PIK3C2B: variants seen among roughly 807,000 people sequenced by gnomAD.
The protein encoded by PIK3C2B is phosphatidylinositol 4-phosphate 3-kinase C2 domain-containing subunit beta.
In PIK3C2B, 83 loss-of-function variants were observed where a neutral mutation model predicts 184.3. That is an observed-to-expected ratio of 0.45 (90% confidence interval 0.38 to 0.54). The LOEUF (loss-of-function observed/expected upper bound fraction) is 0.54. PIK3C2B is among the 20% of genes least tolerant of loss of function. The pLI is 0.00. For missense variants in PIK3C2B, 1,736 were observed against 2,113.5 expected, an observed-to-expected ratio of 0.82 and a Z score of 3.50; for synonymous variants, 779 against 837.6, an observed-to-expected ratio of 0.93 and a Z score of 1.21.
intron 1 of PIK3C2B, among the ~76,000 whole-genome samples, chr1:204,473,980 TC>T (rs1212862782): frequency 2.7e-5 from 3 of 110,710 alleles, no homozygotes; most frequent in Non-Finnish European, 5.8e-5. Context: ...CCTAAACACC[TC>T]CCCTTGACTT....
At chr1:204,432,460 C>T (rs1675116605) in intron 26 of PIK3C2B, 59 bp from the exon 27 acceptor site, 2 of 1,360,814 alleles carry the variant, frequency 1.5e-6, no homozygotes, top group Non-Finnish European at 2.1e-6. Context: ...GCTGCCTCGA[C>T]AGGGGTGTTC....
At chr1:204,448,996 G>C (rs1251656254) in intron 14 of PIK3C2B, among the ~76,000 whole-genome samples, 189 bp downstream of exon 14, 1 of 152,170 alleles carries the variant, frequency 6.6e-6, no homozygotes, top group Non-Finnish European at 1.5e-5. Context: ...ATGGGAGATG[G>C]ATACCCCAGA....
rs143663969 is a variant in PIK3C2B at position 204,433,786 on chromosome 1, T to G, written c.3843+7A>C. 1,508 of 1,599,360 alleles carry G rather than the reference T, an allele frequency of 9.4e-4. 1 individual carries two copies. Among genetic ancestry groups the G allele is most frequent in the Non-Finnish European group, 1.1e-3 (1,339 of 1,167,180 alleles). On this transcript the variant is annotated splice_region_variant and intron_variant, in intron 25 of 32. Coordinates refer to ENST00000684373, the MANE Select transcript of PIK3C2B (RefSeq NM_001377334.1). The surrounding 1 kb of genome is among the most constrained non-coding windows in gnomAD (Gnocchi z 5.0). Reference sequence around the variant, plus strand: ...GAAGGTATTCGGAAAGGGATGGAGCTCCTCACCAGGCCCAGAAGGTTGAGG... The same window carrying G: ...GAAGGTATTCGGAAAGGGATGGAGCGCCTCACCAGGCCCAGAAGGTTGAGG...
In PIK3C2B at chr1:204,449,970, A is replaced by G; in HGVS notation, c.2114T>C (p.Leu705Pro). 6.2e-7 allele frequency: 1 copy of G among 1,604,682 alleles called. No homozygotes were observed. Among genetic ancestry groups the G allele is most frequent in the Non-Finnish European group, 8.5e-7 (1 of 1,175,624 alleles). Reference protein sequence around the residue: ...QVNRLPRETLLCATLYALPIP... With the variant: ...QVNRLPRETLPCATLYALPIP... ...GGGCAGAGCATAGAGAGTGGCACACAGCAGTGTCTCCCGAGGCAGCCGGTT... is the reference window on the plus strand; with the variant it reads ...GGGCAGAGCATAGAGAGTGGCACACGGCAGTGTCTCCCGAGGCAGCCGGTT... The change falls in exon 13 of 33, where the codon CTG becomes CCG. Residue 705 changes from leucine to proline, a missense_variant. Around this residue, in one of 8 missense-constraint regions of PIK3C2B, gnomAD observed 609 missense variants for 699.2 expected, o/e 0.87. Transcript: ENST00000684373.
At chr1:204,427,496 T>C (rs1216641062) in intron 31 of PIK3C2B, 152 bp downstream of exon 31, 1 of 604,068 alleles carries the variant, frequency 1.7e-6, no homozygotes, top group Non-Finnish European at 3.0e-6. Context: ...TGCCTAGTCA[T>C]ACCATAGGCT....
chr1:204,457,027 G>C lies in PIK3C2B; in HGVS notation c.1747+10C>G. ...CCCGACTGGATGAAGATGGAGAGCA[G>C]TTCCCTTACCTCGGTTTTCCCTCAC... is the stretch of plus-strand genomic sequence containing the variant. On this transcript the variant is annotated intron_variant, in intron 10 of 32. Transcript: ENST00000684373. 1.3e-6 allele frequency: 2 copies of C among 1,565,330 alleles called. No individual in the cohort carries two copies. Among genetic ancestry groups the C allele is most frequent in the Non-Finnish European group, 1.7e-6 (2 of 1,153,360 alleles).
At chr1:204,427,217 C>A (rs1674793230) in intron 31 of PIK3C2B, among the ~76,000 whole-genome samples, 2 of 152,164 alleles carry the variant, frequency 1.3e-5, no homozygotes, top group Non-Finnish European at 2.9e-5. Flanking sequence ...TTATCTACTA[C>A]TGCCTTGATC....
At chr1:204,483,213 G>C (rs1657325866) in intron 1 of PIK3C2B, among the ~76,000 whole-genome samples, 1 of 152,124 alleles carries the variant, frequency 6.6e-6, no homozygotes, top group Admixed American at 6.5e-5. Context: ...CTTGAGCCCA[G>C]AAGTTTGAGG....
chr1:204,436,158 G>A (rs1008480875), intron 23 of PIK3C2B, among the ~76,000 whole-genome samples: 2 of 152,204 alleles, frequency 1.3e-5, no homozygotes, highest in African/African-American at 2.4e-5. Flanking sequence ...CATGTGTAGG[G>A]TGTGGGATAC....
chr1:204,476,774 T>C (rs548952550), intron 1 of PIK3C2B, among the ~76,000 whole-genome samples: 2 of 152,226 alleles, frequency 1.3e-5, no homozygotes, highest in African/African-American at 4.8e-5. Flanking sequence ...TTGTATTCTA[T>C]GTGAATGATA....
intron 1 of PIK3C2B, among the ~76,000 whole-genome samples, chr1:204,483,592 G>C (rs1012968336): frequency 6.6e-6 from 1 of 152,160 alleles, no homozygotes; most frequent in African/African-American, 2.4e-5. Flanking sequence ...GCATGGAATG[G>C]TTATGGGTCA....
At chr1:204,425,329 G>A (rs185126422) in intron 32 of PIK3C2B, among the ~76,000 whole-genome samples, 1 of 152,274 alleles carries the variant, frequency 6.6e-6, no homozygotes, top group East Asian at 1.9e-4. Flanking sequence ...CCACAGGATA[G>A]GGCCAGACCC....
intron 28 of PIK3C2B, among the ~76,000 whole-genome samples, chr1:204,430,636 C>T (rs1322393578): frequency 1.3e-5 from 2 of 151,686 alleles, no homozygotes; most frequent in Admixed American, 6.6e-5. Flanking sequence ...AGCCACCGCA[C>T]CCGGCCAAAA....
chr1:204,432,369 G>A lies in PIK3C2B; in HGVS notation c.3986C>T (p.Thr1329Ile), dbSNP rs181444275. 1.9e-6 allele frequency: 3 copies of A among 1,614,122 alleles called. No homozygotes were observed. The highest frequency in any genetic ancestry group is 1.7e-6 in the Non-Finnish European group (2 of 1,180,024). Residue 1329 changes from threonine to isoleucine, a missense_variant, in exon 27 of 33, where the codon ACA (threonine) becomes ATA (isoleucine). This residue lies in a region of PIK3C2B where 119 missense variants were observed against 179.3 expected (regional missense o/e 0.66). Transcript: ENST00000684373. ...ATTATGGATGAAAAAATTGAGCTTTGTGGCTACACTGCCCAGGCTGGACTC... is the reference window on the plus strand; with the variant it reads ...ATTATGGATGAAAAAATTGAGCTTTATGGCTACACTGCCCAGGCTGGACTC... ...LIESSLGSVA[T>I]KLNFFIHNLA...
chr1:204,467,831 CT>C (rs1421196137), intron 2 of PIK3C2B, among the ~76,000 whole-genome samples: 1 of 1,244 alleles, frequency 8.0e-4, no homozygotes, highest in Admixed American at 9.6e-3. Flanking sequence ...GAGACTCTGT[CT>C]CAAAAAAAAA....
At chr1:204,434,349 C>T in intron 24 of PIK3C2B, 90 bp downstream of exon 24, 3 of 1,176,430 alleles carry the variant, frequency 2.6e-6, no homozygotes, top group Non-Finnish European at 3.7e-6. Context: ...GGCCCAGCTG[C>T]TTCCATCATG....
intron 3 of PIK3C2B, 125 bp downstream of exon 3, chr1:204,465,094 T>C (rs1213205019): frequency 4.4e-6 from 3 of 680,302 alleles, no homozygotes; most frequent in Non-Finnish European, 8.0e-6. Flanking sequence ...AGCATTTTCA[T>C]AGCTATGAAC....
At chr1:204,441,891 G>A (rs1234054393) in intron 20 of PIK3C2B, among the ~76,000 whole-genome samples, 1 of 152,110 alleles carries the variant, frequency 6.6e-6, no homozygotes, top group East Asian at 1.9e-4. Flanking sequence ...CTGTAAAAGG[G>A]GACTCCCAAT....
chr1:204,491,730 T>G lies in PIK3C2B; in HGVS notation c.-85+2626A>C, dbSNP rs569335402. On this transcript the variant is annotated intron_variant, in intron 1 of 32. Coordinates refer to ENST00000684373, the MANE Select transcript of PIK3C2B (RefSeq NM_001377334.1). ...TTCTGTTCTCCCAAGACCCAATATCTCTCTGAGTAGCACTGAGGCTATGAA... is the reference window on the plus strand; with the variant it reads ...TTCTGTTCTCCCAAGACCCAATATCGCTCTGAGTAGCACTGAGGCTATGAA... Among the ~76,000 whole-genome samples, 15 of 152,254 alleles carry G rather than the reference T, an allele frequency of 9.9e-5. No homozygotes were observed. In the East Asian group the frequency reaches 2.9e-3, roughly 29 times the overall value.
Sources: gnomAD v4.1 joint callset for allele counts (sites outside exome capture counted in the v4.1 genomes callset) on GRCh38, gnomAD v4.1.1 for gene constraint, gnomAD v4.1.1 regional missense constraint, Gnocchi (gnomAD v3.1) non-coding constraint, MANE v1.5 for transcripts, NCBI Gene and HGNC (gene_info 2026-07-23, HGNC 2026-07-21) for gene names.